CAP2: variants seen among roughly 807,000 people sequenced by gnomAD.
CAP2 encodes the protein cyclase associated actin cytoskeleton regulatory protein 2.
In CAP2, 24 loss-of-function variants were observed where a neutral mutation model predicts 57.7. The observed-to-expected ratio is 0.42, with a 90% CI of 0.30 to 0.58. The LOEUF is 0.58. CAP2 is among the 20% of genes least tolerant of loss of function. The pLI is 0.22. For synonymous variants in CAP2, 194 were observed against 207.2 expected (o/e 0.94, Z 0.55); for missense variants, 501 against 590.3 (o/e 0.85, Z 1.57).
In CAP2 at chr6:17,556,412, A is replaced by AATG. The variant is rs570624935; in HGVS notation, c.1406_1407insGAT (p.Leu468_Ile469insMet). ...AGACAGCATGGGATGGATCCAAGTT[A>AATG]ATCACTGAACCTGCAGAAATTATGG... On this transcript the variant is annotated inframe_insertion, in exon 13 of 13. Transcript: ENST00000229922. The AATG allele has an allele frequency of 3.7e-6, 6 of 1,613,670 alleles. No homozygotes were observed. The highest frequency in any genetic ancestry group is 4.5e-5 in the East Asian group (2 of 44,900).
rs538109638 is a variant in CAP2 at position 17,531,144 on chromosome 6, C to T, written c.637-8125C>T. ...CAAAGCCTCATCTGTCAAAGCAATT[C>T]GCTTCTTACTGATTTTGCCATAACC... is the stretch of plus-strand genomic sequence containing the variant. On this transcript the variant is annotated intron_variant, in intron 7 of 12. Coordinates refer to ENST00000229922, the MANE Select transcript of CAP2 (RefSeq NM_006366.3). The T allele has an allele frequency of 7.5e-5, 57 of 763,044 alleles. 1 individual carries two copies. The highest frequency in any genetic ancestry group is 3.9e-4 in the South Asian group (29 of 74,148). The allele number at this position is 763,044 out of a possible 1,614,324, so 47.3% of individuals were successfully genotyped here.
At chr6:17,503,256 T>C (rs1581575275) in intron 4 of CAP2, among the ~76,000 whole-genome samples, 1 of 152,114 alleles carries the variant, frequency 6.6e-6, no homozygotes, top group South Asian at 2.1e-4. Context: ...GACGGCAGGG[T>C]TGGTCTCTCC....
At position 17,514,089 on chromosome 6, in the gene CAP2, C is replaced by T. The variant is rs190146164; in HGVS notation, c.636+135C>T. On this transcript the variant is annotated intron_variant, in intron 7 of 12. Transcript: ENST00000229922. ...TTAAATGTCCATGTGGAGGGCCAGG[C>T]GCGGTGGCTCACGCCTGTAATCCCA... The T allele has an allele frequency of 8.8e-4, 575 of 650,324 alleles. 1 individual carries two copies. Among genetic ancestry groups the T allele is most frequent in the Non-Finnish European group, 1.4e-3 (495 of 365,264 alleles). 40.3% of individuals were successfully genotyped at this position (650,324 alleles called of 1,614,324 possible).
chr6:17,533,753 A>G (rs1004646141), intron 7 of CAP2, among the ~76,000 whole-genome samples: 11 of 151,900 alleles, frequency 7.2e-5, no homozygotes, highest in Non-Finnish European at 1.5e-4. Flanking sequence ...TTTTTAGTAG[A>G]GATGGGATTT....
chr6:17,436,907 T>A (rs139672976), intron 3 of CAP2, among the ~76,000 whole-genome samples: 23 of 152,224 alleles, frequency 1.5e-4, no homozygotes, highest in Non-Finnish European at 2.4e-4. Context: ...TTCTGTCAGA[T>A]CAGTGGCGGC....
chr6:17,439,793 G>T (rs1760020684), intron 3 of CAP2, among the ~76,000 whole-genome samples: 1 of 151,442 alleles, frequency 6.6e-6, no homozygotes, highest in Admixed American at 6.6e-5. Flanking sequence ...AAGCGATGGG[G>T]AGTGGCTATA....
chr6:17,426,652 A>T lies in CAP2; in HGVS notation c.184A>T (p.Lys62Ter). ...GGACAGTATGGTGGCCGAGTTTTTA[A>T]AGAACAGTAGGATCCTTGCTGGGGA... Reference protein sequence around the residue: ...LMDSMVAEFLKNSRILAGDVE... With the variant: ...LMDSMVAEFL The change falls in exon 3 of 13, where the codon AAG becomes TAG. Residue 62 changes from lysine (K) to a stop codon, truncating the protein, a stop_gained. Transcript: ENST00000229922. LOFTEE classifies it high-confidence loss of function. 6.2e-7 allele frequency: 1 copy of T among 1,614,030 alleles called. No individual in the cohort carries two copies. Among genetic ancestry groups the T allele is most frequent in the Non-Finnish European group, 8.5e-7 (1 of 1,179,920 alleles).
At chr6:17,440,167 A>G (rs1760029390) in intron 3 of CAP2, among the ~76,000 whole-genome samples, 3 of 151,636 alleles carry the variant, frequency 2.0e-5, no homozygotes, top group Admixed American at 1.3e-4. Flanking sequence ...ATGTCTCTCC[A>G]TTGATTCAAG....
chr6:17,535,366 C>T lies in CAP2; in HGVS notation c.637-3903C>T, dbSNP rs530830847. On this transcript the variant is annotated intron_variant, in intron 7 of 12. Coordinates refer to ENST00000229922, the MANE Select transcript of CAP2 (RefSeq NM_006366.3). The stretch of plus-strand genomic sequence containing the variant: ...CTCGGCTCACTGCAACCTCTGCCTC[C>T]CAGGTTCAAGCGATTCTCCTGCCTC... 2.3e-4 allele frequency among the ~76,000 whole-genome samples: 35 copies of T among 151,822 alleles called. No homozygotes were observed. The Middle Eastern group carries it at 0.031, about 134-fold the overall frequency.
chr6:17,401,207 G>C (rs911544072), intron 1 of CAP2, among the ~76,000 whole-genome samples: 1 of 152,200 alleles, frequency 6.6e-6, no homozygotes, highest in Non-Finnish European at 1.5e-5. Flanking sequence ...GAGCACTCAT[G>C]AATGGATTAG....
At chr6:17,429,937 G>A (rs1759684472) in intron 3 of CAP2, among the ~76,000 whole-genome samples, 1 of 152,166 alleles carries the variant, frequency 6.6e-6, no homozygotes. Flanking sequence ...AGCCAGAAGT[G>A]GGGGTTGAAC....
chr6:17,441,523 G>A (rs1440465253), intron 3 of CAP2, among the ~76,000 whole-genome samples: 2 of 151,506 alleles, frequency 1.3e-5, no homozygotes, highest in East Asian at 1.9e-4. Context: ...CACTCCTTTC[G>A]CCCAGGCTGG....
chr6:17,418,353 G>A (rs1759341115), intron 1 of CAP2, among the ~76,000 whole-genome samples: 1 of 152,200 alleles, frequency 6.6e-6, no homozygotes, highest in Admixed American at 6.5e-5. Flanking sequence ...GACCGCCTTA[G>A]GGGCTGTGGC....
chr6:17,447,973 T>G (rs1246949604), intron 3 of CAP2, among the ~76,000 whole-genome samples: 1 of 152,240 alleles, frequency 6.6e-6, no homozygotes, highest in Non-Finnish European at 1.5e-5. Flanking sequence ...ATTTCAGTCC[T>G]TCATTATTAA....
chr6:17,532,134 C>CTTTTTTT (rs35428314), intron 7 of CAP2, among the ~76,000 whole-genome samples: 3 of 85,996 alleles, frequency 3.5e-5, no homozygotes, highest in African/African-American at 4.8e-5. Flanking sequence ...GTTTGAAAAT[C>CTTTTTTT]TTTTTTTTTT....
intron 3 of CAP2, among the ~76,000 whole-genome samples, chr6:17,454,686 G>A (rs1285062834): frequency 6.6e-6 from 1 of 152,214 alleles, no homozygotes; most frequent in Admixed American, 6.5e-5. Context: ...AGTGGTAGTA[G>A]CTCTGAAGTC....
chr6:17,405,800 A>T (rs545181624), intron 1 of CAP2, among the ~76,000 whole-genome samples: 1 of 152,220 alleles, frequency 6.6e-6, no homozygotes, highest in African/African-American at 2.4e-5. Context: ...GAAGGCAGTG[A>T]CACAATCTTG....
intron 3 of CAP2, among the ~76,000 whole-genome samples, chr6:17,429,026 G>A (rs1759660198): frequency 6.6e-6 from 1 of 152,166 alleles, no homozygotes; most frequent in Non-Finnish European, 1.5e-5. Flanking sequence ...GACAAGCCTT[G>A]ATATATACGA....
chr6:17,432,031 T>A (rs1161765590), intron 3 of CAP2, among the ~76,000 whole-genome samples: 1 of 152,116 alleles, frequency 6.6e-6, no homozygotes, highest in African/African-American at 2.4e-5. Flanking sequence ...TAGATGAACA[T>A]CAGCCTCCTT....
Sources: allele counts gnomAD v4.1 joint callset (sites outside exome capture counted in the v4.1 genomes callset), GRCh38; gene constraint gnomAD v4.1.1; transcripts MANE v1.5; gene names NCBI Gene and HGNC (gene_info 2026-07-23, HGNC 2026-07-21).